The following MGMT variants were observed in gnomAD, a reference collection of about 807,000 sequenced individuals.
The protein encoded by MGMT is methylated-DNA--protein-cysteine methyltransferase.
MGMT carries 14 observed loss-of-function variants against 15.9 expected under a neutral mutation model. That is an observed-to-expected ratio of 0.88 (90% CI 0.58 to 1.37). The LOEUF is 1.37. Ranked by LOEUF, MGMT falls within the 40% of genes most tolerant of loss-of-function variation. MGMT has a pLI of 0.00. For synonymous variants in MGMT, 130 were observed against 118.2 expected (o/e 1.10, Z -0.65); for missense variants, 282 against 268.1 (o/e 1.05, Z -0.36).
intron 1 of MGMT, among the ~76,000 whole-genome samples, chr10:129,499,926 C>T (rs1332839966): frequency 6.6e-6 from 1 of 152,082 alleles, no homozygotes; most frequent in African/African-American, 2.4e-5. Context: ...TGGATATATG[C>T]GTGAAATAAT....
At chr10:129,761,930 G>T (rs1004232502) in intron 4 of MGMT, among the ~76,000 whole-genome samples, 4 of 152,254 alleles carry the variant, frequency 2.6e-5, no homozygotes, top group African/African-American at 9.6e-5. Context: ...AGATATGCCA[G>T]AGATATTCCT....
chr10:129,621,489 T>C (rs73388704), intron 2 of MGMT, among the ~76,000 whole-genome samples: 3,610 of 151,870 alleles, frequency 0.024, 161 homozygotes, highest in African/African-American at 0.083. Context: ...CGCAGGGGGG[T>C]TTAATGCCCT....
chr10:129,675,505 G>A (rs542285759), intron 2 of MGMT, among the ~76,000 whole-genome samples: 4 of 152,302 alleles, frequency 2.6e-5, no homozygotes, highest in Admixed American at 1.3e-4. Flanking sequence ...GCGTGGGCCC[G>A]TGTTGCTGGC....
chr10:129,653,967 T>A (rs1847494372), intron 2 of MGMT, among the ~76,000 whole-genome samples: 1 of 152,032 alleles, frequency 6.6e-6, no homozygotes, highest in Non-Finnish European at 1.5e-5. Flanking sequence ...GAGAACTTGG[T>A]GGCCCTCAGA....
rs3802688 is a variant in MGMT, at chr10:129,770,123, G to A, written c.*3126G>A. ...GCTTCTCTGGTGCGTCGCGCCCCAC[G>A]TGCTTCTCCAGAATCCCGTTTGGAG... On this transcript the variant is annotated 3_prime_UTR_variant, in exon 5 of 5. Transcript: ENST00000651593. 0.27 allele frequency among the ~76,000 whole-genome samples: 40,549 copies of A among 152,046 alleles called. 7,025 individuals carry two copies. The highest frequency in any genetic ancestry group is 0.49 in the African/African-American group (20,361 of 41,448).
chr10:129,477,437 T>G (rs1437286205), intron 1 of MGMT, among the ~76,000 whole-genome samples: 3 of 152,184 alleles, frequency 2.0e-5, no homozygotes, highest in Non-Finnish European at 4.4e-5. Context: ...ATTCACAGGC[T>G]GAAGTCCTGA....
At chr10:129,601,203 T>C (rs1846817676) in intron 2 of MGMT, among the ~76,000 whole-genome samples, 1 of 152,158 alleles carries the variant, frequency 6.6e-6, no homozygotes, top group African/African-American at 2.4e-5. Context: ...TAGGTTTGGC[T>C]TCAGTCTTCC....
intron 2 of MGMT, among the ~76,000 whole-genome samples, chr10:129,660,827 G>A (rs915493151): frequency 4.6e-5 from 7 of 151,826 alleles, no homozygotes; most frequent in Non-Finnish European, 1.0e-4. Flanking sequence ...TTGCATAGCC[G>A]GAGTAGGGAG....
chr10:129,519,619 G>A lies in MGMT; in HGVS notation c.-12-16622G>A, dbSNP rs117745309. ...GGAACACCGGGAGCCGCTGGAACGT[G>A]TCTGGAACACCAGGCTCTTCCATTC... On this transcript the variant is annotated intron_variant, in intron 1 of 4. Transcript: ENST00000651593. 3.8e-3 allele frequency among the ~76,000 whole-genome samples: 582 copies of A among 152,316 alleles called. 3 individuals are homozygous for A. The highest frequency in any genetic ancestry group is 7.0e-3 in the Non-Finnish European group (476 of 68,038).
At chr10:129,490,459 A>G (rs1022618599) in intron 1 of MGMT, among the ~76,000 whole-genome samples, 8 of 151,604 alleles carry the variant, frequency 5.3e-5, no homozygotes, top group Non-Finnish European at 1.2e-4. Context: ...CTTTGGCCAA[A>G]CTAGTGGTTT....
At chr10:129,492,747 C>A (rs1845482082) in intron 1 of MGMT, among the ~76,000 whole-genome samples, 1 of 152,192 alleles carries the variant, frequency 6.6e-6, no homozygotes, top group Admixed American at 6.5e-5. Flanking sequence ...GTCCTGGTTG[C>A]TTCCACAGCT....
At chr10:129,577,679 G>A (rs1846501253) in intron 2 of MGMT, among the ~76,000 whole-genome samples, 1 of 152,164 alleles carries the variant, frequency 6.6e-6, no homozygotes, top group African/African-American at 2.4e-5. Context: ...AGCCAAAATT[G>A]ACAAATGGGA....
At chr10:129,672,406 C>G (rs1014176350) in intron 2 of MGMT, among the ~76,000 whole-genome samples, 1 of 152,200 alleles carries the variant, frequency 6.6e-6, no homozygotes, top group African/African-American at 2.4e-5. Context: ...TCAGAATGTT[C>G]TCATCTCTTA....
intron 2 of MGMT, among the ~76,000 whole-genome samples, chr10:129,550,763 C>G (rs566644481): frequency 5.3e-4 from 81 of 152,302 alleles, no homozygotes; most frequent in African/African-American, 1.9e-3. Flanking sequence ...CAGAACTTTT[C>G]TGTCTTGCAG....
chr10:129,504,818 GAGAGAGATGTC>G (rs1378172508), intron 1 of MGMT, among the ~76,000 whole-genome samples: 10 of 152,148 alleles, frequency 6.6e-5, no homozygotes, highest in Non-Finnish European at 1.3e-4. Flanking sequence ...AATGAGTGGG[GAGAGAGATGTC>G]ATCAAAGCTG....
intron 2 of MGMT, among the ~76,000 whole-genome samples, chr10:129,612,016 GT>G (rs937356073): frequency 2.6e-5 from 4 of 152,128 alleles, no homozygotes; most frequent in African/African-American, 9.7e-5. Context: ...GTGCAGCTTG[GT>G]TTTATACATT....
At chr10:129,653,571 T>C (rs749236434) in intron 2 of MGMT, among the ~76,000 whole-genome samples, 51 of 152,214 alleles carry the variant, frequency 3.4e-4, no homozygotes, top group Non-Finnish European at 7.3e-5. Flanking sequence ...TGATCACCAA[T>C]GGAGTGGCCT....
intron 1 of MGMT, among the ~76,000 whole-genome samples, chr10:129,521,851 CA>C (rs1477970985): frequency 1.3e-5 from 2 of 152,336 alleles, no homozygotes; most frequent in African/African-American, 4.8e-5. Context: ...CAGCATGGTA[CA>C]GGAGTCGCAG....
intron 3 of MGMT, among the ~76,000 whole-genome samples, chr10:129,728,769 G>T (rs905186881): frequency 6.6e-6 from 1 of 150,434 alleles, no homozygotes; most frequent in African/African-American, 2.5e-5. Flanking sequence ...CCCTGGTATT[G>T]GTTCGTCTGC....
Sources: gnomAD v4.1 joint callset for allele counts (sites outside exome capture counted in the v4.1 genomes callset) on GRCh38, gnomAD v4.1.1 for gene constraint, MANE v1.5 for transcripts, NCBI Gene and HGNC (gene_info 2026-07-23, HGNC 2026-07-21) for gene names.